KDM4C: variants seen among roughly 807,000 people sequenced by gnomAD.
The protein encoded by KDM4C is lysine demethylase 4C.
In KDM4C, 81 loss-of-function variants were observed where a neutral mutation model predicts 129.3. The ratio of observed to expected loss-of-function variants is 0.63; its 90% CI spans 0.52 to 0.75. KDM4C has a LOEUF of 0.75. Among genes scored for constraint, KDM4C ranks in the 30% least tolerant of loss-of-function variants. KDM4C has a pLI of 0.00. For missense variants in KDM4C, 1,457 were observed against 1,304.0 expected (o/e 1.12, Z -1.81); for synonymous variants, 573 against 456.1 (o/e 1.26, Z -3.26).
intron 8 of KDM4C, among the ~76,000 whole-genome samples, chr9:6,905,581 A>G (rs1818172197): frequency 6.6e-6 from 1 of 152,212 alleles, no homozygotes; most frequent in Admixed American, 6.5e-5. Flanking sequence ...CTAAGCCCTA[A>G]AATGATTCTT....
At chr9:7,135,164 G>T (rs978086429) in intron 19 of KDM4C, among the ~76,000 whole-genome samples, 2 of 152,164 alleles carry the variant, frequency 1.3e-5, no homozygotes, top group African/African-American at 4.8e-5. Context: ...CATCACTGGG[G>T]ATCCTCTGGA....
At chr9:6,837,768 C>A (rs960820999) in intron 4 of KDM4C, among the ~76,000 whole-genome samples, 1 of 152,084 alleles carries the variant, frequency 6.6e-6, no homozygotes, top group Admixed American at 6.5e-5. Context: ...CTAGTTGTGG[C>A]TATTCTTTTC....
At chr9:6,856,106 G>A (rs866063110) in intron 5 of KDM4C, among the ~76,000 whole-genome samples, 1 of 151,924 alleles carries the variant, frequency 6.6e-6, no homozygotes, top group African/African-American at 2.4e-5. Flanking sequence ...CCTGGCACTT[G>A]GTAGGTACTC....
At chr9:6,887,443 A>C (rs1845475891) in intron 6 of KDM4C, among the ~76,000 whole-genome samples, 1 of 152,226 alleles carries the variant, frequency 6.6e-6, no homozygotes, top group Non-Finnish European at 1.5e-5. Context: ...AAGTTCATTC[A>C]GGAGATTAGT....
chr9:6,948,813 A>G (rs1206028671), intron 8 of KDM4C, among the ~76,000 whole-genome samples: 1 of 152,168 alleles, frequency 6.6e-6, no homozygotes, highest in African/African-American at 2.4e-5. Context: ...AAGGTCATAG[A>G]TCAACAGGAT....
Position 6,931,240 on chromosome 9 carries a change from G to A in KDM4C, c.921+38008G>A, listed in dbSNP as rs781319549. Among the ~76,000 whole-genome samples the A allele has an allele frequency of 4.0e-5, 6 of 151,796 alleles. No homozygotes were observed. In the East Asian group the frequency reaches 7.7e-4, roughly 20 times the overall value. On this transcript the variant is annotated intron_variant, in intron 8 of 21. Coordinates refer to ENST00000381309, the MANE Select transcript of KDM4C (RefSeq NM_015061.6). ...AGCCCCCCAGTGTGAAACTACCATC[G>A]CCTGACTTATCAGCTAAAGGAGTGT...
At chr9:7,018,097 G>A (rs1336700502) in intron 15 of KDM4C, among the ~76,000 whole-genome samples, 1 of 152,166 alleles carries the variant, frequency 6.6e-6, no homozygotes, top group African/African-American at 2.4e-5. Flanking sequence ...GAAATGCATC[G>A]TTAGGCAATT....
intron 17 of KDM4C, among the ~76,000 whole-genome samples, chr9:7,062,768 A>G (rs114348866): frequency 6.6e-6 from 1 of 151,728 alleles, no homozygotes; most frequent in Non-Finnish European, 1.5e-5. Flanking sequence ...GTGAAATTAG[A>G]TTTGTGTGTT....
chr9:7,097,444 A>G (rs188102514), intron 17 of KDM4C, among the ~76,000 whole-genome samples: 42 of 152,290 alleles, frequency 2.8e-4, no homozygotes, highest in Non-Finnish European at 3.8e-4. Context: ...TTCAGTTCAG[A>G]GTGGTGCAGA....
chr9:6,976,937 C>A (rs994445527), intron 8 of KDM4C, among the ~76,000 whole-genome samples: 2 of 151,904 alleles, frequency 1.3e-5, no homozygotes, highest in Non-Finnish European at 2.9e-5. Flanking sequence ...GATATGATAT[C>A]TACTCAGGCA....
At chr9:6,967,699 G>T (rs936849530) in intron 8 of KDM4C, among the ~76,000 whole-genome samples, 1 of 152,114 alleles carries the variant, frequency 6.6e-6, no homozygotes, top group Admixed American at 6.5e-5. Context: ...TATAATCTCT[G>T]TAAGTTTTCT....
intron 4 of KDM4C, among the ~76,000 whole-genome samples, chr9:6,840,571 A>G (rs1293882454): frequency 6.6e-6 from 1 of 151,702 alleles, no homozygotes; most frequent in Non-Finnish European, 1.5e-5. Context: ...TAATTTTTGT[A>G]TTTTTAGTAG....
At chr9:6,997,021 C>T (rs1819881290) in intron 12 of KDM4C, among the ~76,000 whole-genome samples, 1 of 146,380 alleles carries the variant, frequency 6.8e-6, no homozygotes, top group Admixed American at 6.9e-5. Flanking sequence ...AATATCTCTC[C>T]ATGCCTACAA....
intron 4 of KDM4C, among the ~76,000 whole-genome samples, chr9:6,847,313 C>T (rs56261027): frequency 0.13 from 19,316 of 152,070 alleles, 1,608 homozygotes; most frequent in African/African-American, 0.23. Flanking sequence ...GAGATTGCAT[C>T]GCTATAAATA....
chr9:7,113,957 G>A (rs539876379), intron 18 of KDM4C, among the ~76,000 whole-genome samples: 196 of 152,042 alleles, frequency 1.3e-3, no homozygotes, highest in Non-Finnish European at 2.5e-3. Flanking sequence ...TTAGAACCAT[G>A]CTGAAGTCCC....
At chr9:6,894,582 G>C (rs1343823225) in intron 8 of KDM4C, among the ~76,000 whole-genome samples, 1 of 152,202 alleles carries the variant, frequency 6.6e-6, no homozygotes, top group African/African-American at 2.4e-5. Context: ...CACAAATATT[G>C]ATTCTTGTTT....
intron 8 of KDM4C, among the ~76,000 whole-genome samples, chr9:6,979,933 T>C (rs772633535): frequency 2.0e-5 from 3 of 152,212 alleles, no homozygotes; most frequent in Non-Finnish European, 4.4e-5. Context: ...ACATTAATTT[T>C]AGGTATTTTG....
chr9:7,111,588 GTCCAGGGTGT>G (rs1239452346), intron 18 of KDM4C, among the ~76,000 whole-genome samples: 1 of 152,282 alleles, frequency 6.6e-6, no homozygotes, highest in Admixed American at 6.5e-5. Context: ...CTGACTCAGA[GTCCAGGGTGT>G]TCTAAGCACA....
chr9:6,993,603 G>C (rs527494483), intron 12 of KDM4C, among the ~76,000 whole-genome samples: 4 of 152,294 alleles, frequency 2.6e-5, no homozygotes, highest in Admixed American at 6.5e-5. Context: ...TGTCCATAGA[G>C]AAGGAGGATG....
Sources: gnomAD v4.1 joint callset for allele counts (sites outside exome capture counted in the v4.1 genomes callset) on GRCh38, gnomAD v4.1.1 for gene constraint, MANE v1.5 for transcripts, NCBI Gene and HGNC (gene_info 2026-07-23, HGNC 2026-07-21) for gene names.